Variants in IGFL2 observed in about 807,000 individuals in gnomAD.
IGFL2 encodes insulin growth factor-like family member 2.
Under a neutral mutation model 13.9 loss-of-function variants are expected in IGFL2, and 7 were observed. The ratio of observed to expected loss-of-function variants is 0.51; its 90% CI spans 0.29 to 0.95. The LOEUF (loss-of-function observed/expected upper bound fraction) is 0.95, where lower values mean the gene tolerates loss of function less well. Ranked by LOEUF, IGFL2 falls within the 40% of genes least tolerant of loss-of-function variation. IGFL2 has a pLI of 0.08. For missense variants in IGFL2, 138 were observed against 147.8 expected (o/e 0.93, Z 0.34); for synonymous variants, 55 against 55.8 (o/e 0.99, Z 0.07).
chr19:46,142,198 G>C (rs1337594961), upstream of IGFL2, among the ~76,000 whole-genome samples: 2 of 152,150 alleles, frequency 1.3e-5, no homozygotes, highest in Non-Finnish European at 2.9e-5. Flanking sequence ...CATGTAAACT[G>C]GGACCCCACA....
At chr19:46,149,712 A>C (rs1287100788) in intron 1 of IGFL2, among the ~76,000 whole-genome samples, 1 of 152,080 alleles carries the variant, frequency 6.6e-6, no homozygotes, top group Admixed American at 6.6e-5. Context: ...TTAGTACTTC[A>C]TTCCTTTTTA....
the IGFL2 span, among the ~76,000 whole-genome samples, chr19:46,133,870 C>T: frequency 6.6e-6 from 1 of 152,132 alleles, no homozygotes. Context: ...TAGAAACTGA[C>T]ATGAGGTCAA....
upstream of IGFL2, among the ~76,000 whole-genome samples, chr19:46,141,846 C>G (rs973663477): frequency 6.6e-6 from 1 of 152,216 alleles, no homozygotes; most frequent in African/African-American, 2.4e-5. Context: ...TTGCCCAACC[C>G]GAATTCACCC....
At chr19:46,133,657 T>C in the IGFL2 span, among the ~76,000 whole-genome samples, 2 of 152,260 alleles carry the variant, frequency 1.3e-5, no homozygotes, top group African/African-American at 4.8e-5. Flanking sequence ...TTCTTTATTA[T>C]GGCTAGCAGA....
chr19:46,179,722 C>T, the IGFL2 span, among the ~76,000 whole-genome samples: 3 of 152,100 alleles, frequency 2.0e-5, no homozygotes, highest in African/African-American at 7.2e-5. Context: ...TCAAGACCAG[C>T]TTGACCAACG....
upstream of IGFL2, among the ~76,000 whole-genome samples, chr19:46,145,657 A>C (rs62110742): frequency 2.0e-5 from 3 of 146,394 alleles, no homozygotes; most frequent in Non-Finnish European, 4.5e-5. Flanking sequence ...TATTTATTTA[A>C]TATATATATT....
the IGFL2 span, among the ~76,000 whole-genome samples, chr19:46,188,870 TGGC>T: frequency 6.6e-6 from 1 of 152,222 alleles, no homozygotes; most frequent in Non-Finnish European, 1.5e-5. Context: ...CTGGGGCAGG[TGGC>T]CAGCTCTTTG....
At chr19:46,137,485 G>A in the IGFL2 span, 1 of 1,149,632 alleles carries the variant, frequency 8.7e-7, no homozygotes, top group Non-Finnish European at 1.3e-6. Context: ...CCTTGGGCAG[G>A]TTGCCCCTTC....
the IGFL2 span, chr19:46,123,965 G>T: frequency 6.2e-7 from 1 of 1,611,554 alleles, no homozygotes. Context: ...AGAAACTTCT[G>T]CTGGGGGCCA....
the IGFL2 span, among the ~76,000 whole-genome samples, chr19:46,105,566 G>A: frequency 7.9e-5 from 12 of 152,134 alleles, no homozygotes; most frequent in African/African-American, 2.4e-4. Flanking sequence ...GTGGGAGGCT[G>A]GATTGAAGTC....
At chr19:46,208,005 T>C in the IGFL2 span, 1 of 152,188 alleles carries the variant, frequency 6.6e-6, no homozygotes, top group African/African-American at 2.4e-5. Flanking sequence ...CACCGCATCT[T>C]GGGCTGCACT....
At chr19:46,191,954 GT>G in the IGFL2 span, among the ~76,000 whole-genome samples, 173 of 152,196 alleles carry the variant, frequency 1.1e-3, no homozygotes, top group African/African-American at 4.0e-3. Context: ...GGCATAGCTT[GT>G]TTTCCATTAT....
At chr19:46,095,159 T>A in the IGFL2 span, among the ~76,000 whole-genome samples, 2 of 152,346 alleles carry the variant, frequency 1.3e-5, no homozygotes, top group Middle Eastern at 3.4e-3. Context: ...ATAAAAGCAT[T>A]CCTGTTTCTC....
chr19:46,175,380 G>A, the IGFL2 span, among the ~76,000 whole-genome samples: 8 of 152,152 alleles, frequency 5.3e-5, no homozygotes, highest in African/African-American at 1.7e-4. Context: ...TCTAACTGTA[G>A]AGCCCAGGTT....
chr19:46,084,128 A>G, the IGFL2 span, among the ~76,000 whole-genome samples: 2,047 of 152,298 alleles, frequency 0.013, 32 homozygotes, highest in Middle Eastern at 0.027. Context: ...ACGGATTTCT[A>G]GTATTATACC....
the IGFL2 span, among the ~76,000 whole-genome samples, chr19:46,193,545 CAG>C: frequency 6.6e-6 from 1 of 151,832 alleles, no homozygotes; most frequent in Non-Finnish European, 1.5e-5. Context: ...TGCTTCCTTT[CAG>C]TAAAAAGATG....
At chr19:46,208,374 TGGACACGCCCTGGGCTAGTGTGGCA>T in the IGFL2 span, 1 of 152,140 alleles carries the variant, frequency 6.6e-6, no homozygotes, top group African/African-American at 2.4e-5. Context: ...TTAGATGTGG[TGGACACGCCCTGGGCTAGTGTGGCA>T]GGACACCCCC....
the IGFL2 span, among the ~76,000 whole-genome samples, chr19:46,122,796 A>G: frequency 6.6e-6 from 1 of 150,908 alleles, no homozygotes; most frequent in Non-Finnish European, 1.5e-5. Context: ...GCAAACACAA[A>G]TTTTAATTTC....
At chr19:46,123,919 C>T in the IGFL2 span, 6 of 1,611,124 alleles carry the variant, frequency 3.7e-6, no homozygotes, top group Non-Finnish European at 5.1e-6. Context: ...AGATAAGTGA[C>T]ACTGAGACTT....
Sources: gnomAD v4.1 joint callset for allele counts (sites outside exome capture counted in the v4.1 genomes callset) on GRCh38, gnomAD v4.1.1 for gene constraint, MANE v1.5 for transcripts, NCBI Gene and HGNC (gene_info 2026-07-23, HGNC 2026-07-21) for gene names.